SBK1: variants seen among roughly 807,000 people sequenced by gnomAD.
SBK1 encodes SH3 domain binding kinase 1.
SBK1 carries 11 observed loss-of-function variants against 24.4 expected under a neutral mutation model. The observed-to-expected ratio is 0.45, with a 90% CI of 0.28 to 0.75. The LOEUF (loss-of-function observed/expected upper bound fraction) is 0.75, where lower values mean the gene tolerates loss of function less well. Ranked by LOEUF, SBK1 falls within the 30% of genes least tolerant of loss-of-function variation. SBK1 has a pLI of 0.12. For missense variants in SBK1, 467 were observed against 620.5 expected, an observed-to-expected ratio of 0.75 and a Z score of 2.63; for synonymous variants, 308 against 284.4, an observed-to-expected ratio of 1.08 and a Z score of -0.83.
intron 1 of SBK1, among the ~76,000 whole-genome samples, chr16:28,277,319 C>A (rs1353421506): frequency 1.3e-4 from 20 of 150,826 alleles, no homozygotes; most frequent in Admixed American, 1.2e-3. Context: ...TTGAGAACCA[C>A]GGTGTAAACA....
At chr16:28,304,942 C>G (rs1033485289) in intron 1 of SBK1, among the ~76,000 whole-genome samples, 12 of 152,220 alleles carry the variant, frequency 7.9e-5, no homozygotes, top group African/African-American at 2.9e-4. Context: ...CGGTGTCTCA[C>G]TCTGTTACCC....
At chr16:28,285,638 G>A (rs995628224) in intron 1 of SBK1, 11 of 152,186 alleles carry the variant, frequency 7.2e-5, no homozygotes, top group Non-Finnish European at 1.6e-4. Flanking sequence ...GTGCCGTCCC[G>A]AGGGGCAACC....
Position 28,305,783 on chromosome 16 carries a change from C to T in SBK1, c.-7-11602C>T, listed in dbSNP as rs530338782. On this transcript the variant is annotated intron_variant, in intron 1 of 3. Transcript: ENST00000341901. ...CTTGAATTCCTGACCTCAAGTGATC[C>T]ACCCGCCTCAGCCTCCCAAAGTGCT... is the stretch of plus-strand genomic sequence containing the variant. 3.3e-5 allele frequency among the ~76,000 whole-genome samples: 5 copies of T among 152,162 alleles called. No homozygotes were observed. The East Asian group carries it at 9.7e-4, about 29-fold the overall frequency.
At position 28,259,523 on chromosome 16, in the gene SBK1, AGTGG is replaced by A; in HGVS notation, c.257+27_257+30del. ...CGGAGGTCAGTGCTCGTGGGTGGCC[AGTGG>A]GTGGGCAGCAGGTGGGCACAGCGCT... On this transcript the variant is annotated intron_variant, in intron 1 of 3. Transcript: ENST00000671413. This position sits in a 1 kb window ranked among gnomAD's most constrained non-coding sequence, Gnocchi z 6.0. The A allele has an allele frequency of 1.1e-6, 1 of 921,618 alleles. No homozygotes were observed. Among genetic ancestry groups the A allele is most frequent in the Non-Finnish European group, 1.3e-6 (1 of 771,652 alleles). The allele number at this position is 921,618 out of a possible 1,614,324, so 57.1% of individuals were successfully genotyped here. A position where few individuals can be genotyped will look rare whatever the true frequency, so the allele number is the denominator to read the frequency against.
At chr16:28,284,719 C>T (rs1794823374) in intron 1 of SBK1, among the ~76,000 whole-genome samples, 1 of 152,196 alleles carries the variant, frequency 6.6e-6, no homozygotes, top group Non-Finnish European at 1.5e-5. Flanking sequence ...GCGAGTGGAT[C>T]ACTTGAGGTC....
chr16:28,301,516 G>A (rs2044678699), intron 1 of SBK1, among the ~76,000 whole-genome samples: 1 of 152,230 alleles, frequency 6.6e-6, no homozygotes, highest in Middle Eastern at 3.2e-3. Context: ...GAATGTCCAA[G>A]TGTCTGCAGC....
Position 28,321,202 on chromosome 16 carries a change from CACACACACACACACACACACA to C in SBK1, c.*282_*302del. ...CACACAACACACACACACACACACA[CACACACACACACACACACACA>C]CACACACACACACACGCCAGGAGCA... On this transcript the variant is annotated 3_prime_UTR_variant, in exon 4 of 4. Coordinates refer to ENST00000341901, the MANE Select transcript of SBK1 (RefSeq NM_001024401.3). 6.7e-6 allele frequency: 1 copy of C among 148,508 alleles called. No homozygotes were observed. 9.2% of individuals were successfully genotyped at this position (148,508 alleles called of 1,614,324 possible).
rs187022731 is a variant in SBK1, at chr16:28,318,474, G to T, written c.227-521G>T. Among the ~76,000 whole-genome samples, 859 of 152,350 alleles carry T rather than the reference G, an allele frequency of 5.6e-3. 2 individuals are homozygous for T. The highest frequency in any genetic ancestry group is 7.3e-3 in the South Asian group (35 of 4,822). On this transcript the variant is annotated intron_variant, in intron 2 of 3. Coordinates refer to ENST00000341901, the MANE Select transcript of SBK1 (RefSeq NM_001024401.3). ...GCACAACCCATACAATCATAATGAA[G>T]TGTGAGTTGTGAATGTGCAGTGCTG...
At chr16:28,308,820 T>C (rs2044735063) in intron 1 of SBK1, among the ~76,000 whole-genome samples, 1 of 151,534 alleles carries the variant, frequency 6.6e-6, no homozygotes. Context: ...GTCCTCACTC[T>C]GTTGTCCAGG....
At chr16:28,315,174 C>G (rs962504434) in intron 1 of SBK1, among the ~76,000 whole-genome samples, 1 of 151,498 alleles carries the variant, frequency 6.6e-6, no homozygotes, top group Admixed American at 6.6e-5. Flanking sequence ...TAGTCTACCT[C>G]TCTCCATTTA....
rs191825572 is a variant in SBK1, at chr16:28,308,697, G to T, written c.-7-8688G>T. Among the ~76,000 whole-genome samples the T allele has an allele frequency of 1.9e-4, 29 of 151,376 alleles. No individual in the cohort carries two copies. The East Asian group carries it at 5.4e-3, about 28-fold the overall frequency. On this transcript the variant is annotated intron_variant, in intron 1 of 3. Transcript: ENST00000341901. Reference sequence around the variant, plus strand: ...CCTGCCTTGGCCTCCCAATCCAACTGCTGGGATTACAGGCACAAGCTATCG... The same window carrying T: ...CCTGCCTTGGCCTCCCAATCCAACTTCTGGGATTACAGGCACAAGCTATCG...
At position 28,283,762 on chromosome 16, in the gene SBK1, G is replaced by A. The variant is rs1210036433; in HGVS notation, c.257+24260G>A. ...GAGGCTGTGTAACAGAGGAATATGT[G>A]GGCATCATGCCAGACCCAGCTGGTC... On this transcript the variant is annotated intron_variant, in intron 1 of 3. Coordinates refer to the SBK1 transcript ENST00000671413. Among the ~76,000 whole-genome samples, 3 of 152,272 alleles carry A rather than the reference G, an allele frequency of 2.0e-5. No individual in the cohort carries two copies. The East Asian group carries it at 5.8e-4, about 29-fold the overall frequency.
chr16:28,259,675 G>A lies in SBK1; in HGVS notation c.257+173G>A, dbSNP rs2044384978. ...GATCTCTCACCTGGTTGTTGCCACA[G>A]CCTCCTTCCTATCTCCCCCACCCTA... On this transcript the variant is annotated intron_variant, in intron 1 of 3. Coordinates refer to the SBK1 transcript ENST00000671413. This position sits in a 1 kb window ranked among gnomAD's most constrained non-coding sequence, Gnocchi z 6.0. Among the ~76,000 whole-genome samples the A allele has an allele frequency of 6.6e-6, 1 of 152,108 alleles. No individual in the cohort carries two copies. The highest frequency in any genetic ancestry group is 2.1e-4 in the South Asian group (1 of 4,834).
At chr16:28,306,508 C>A (rs572609721) in intron 1 of SBK1, among the ~76,000 whole-genome samples, 16 of 152,204 alleles carry the variant, frequency 1.1e-4, no homozygotes, top group African/African-American at 3.9e-4. Flanking sequence ...TATGTTAGAG[C>A]AATGCAACAG....
At chr16:28,307,671 C>T (rs34256587) in intron 1 of SBK1, among the ~76,000 whole-genome samples, 48,502 of 145,508 alleles carry the variant, frequency 0.33, 9,330 homozygotes, top group South Asian at 0.58. Context: ...ACCCGGGAGA[C>T]AGAGGTTGCA....
chr16:28,272,957 C>T (rs2141562710), intron 1 of SBK1, among the ~76,000 whole-genome samples: 1 of 151,808 alleles, frequency 6.6e-6, no homozygotes, highest in East Asian at 1.9e-4. Flanking sequence ...TGTAGTAGTC[C>T]CTGTTGCATG....
At position 28,292,552 on chromosome 16, in the gene SBK1, G is replaced by GGGCGCC; in HGVS notation, c.-753_-748dup. ...TGCCGCGATGGAGCGCAGCCCGGGC[G>GGGCGCC]GGCGCCGGGGCCGGGGCCCGAGCGC... is the stretch of plus-strand genomic sequence containing the variant. On this transcript the variant is annotated 5_prime_UTR_variant, in exon 1 of 4. Coordinates refer to ENST00000341901, the MANE Select transcript of SBK1 (RefSeq NM_001024401.3). 1.0e-6 allele frequency: 1 copy of GGGCGCC among 979,414 alleles called. No individual in the cohort carries two copies. Among genetic ancestry groups the GGGCGCC allele is most frequent in the Non-Finnish European group, 1.2e-6 (1 of 827,294 alleles). The allele number at this position is 979,414 out of a possible 1,614,324, so 60.7% of individuals were successfully genotyped here.
At position 28,269,263 on chromosome 16, in the gene SBK1, G is replaced by C. The variant is rs186315518; in HGVS notation, c.257+9761G>C. On this transcript the variant is annotated intron_variant, in intron 1 of 3. Coordinates refer to the SBK1 transcript ENST00000671413. ...TTAGTCAGGCTGGTCTCGAATTCCCGACCACAGGTGATTCACCAGCCTCGG... is the reference window on the plus strand; with the variant it reads ...TTAGTCAGGCTGGTCTCGAATTCCCCACCACAGGTGATTCACCAGCCTCGG... Among the ~76,000 whole-genome samples, 443 of 151,962 alleles carry C rather than the reference G, an allele frequency of 2.9e-3. 2 individuals carry two copies. The highest frequency in any genetic ancestry group is 0.01 in the African/African-American group (424 of 41,478).
intron 1 of SBK1, among the ~76,000 whole-genome samples, chr16:28,283,813 G>A (rs949604249): frequency 6.6e-6 from 1 of 152,098 alleles, no homozygotes; most frequent in Non-Finnish European, 1.5e-5. Flanking sequence ...AGAAATTGGT[G>A]GCAGACATGT....
Sources: allele counts gnomAD v4.1 joint callset (sites outside exome capture counted in the v4.1 genomes callset), GRCh38; gene constraint gnomAD v4.1.1; non-coding constraint Gnocchi (gnomAD v3.1); transcripts MANE v1.5; gene names NCBI Gene and HGNC (gene_info 2026-07-23, HGNC 2026-07-21).